Variants in CALCRL observed in about 807,000 individuals in gnomAD.
CALCRL encodes calcitonin gene-related peptide type 1 receptor.
In CALCRL, 27 loss-of-function variants were observed where a neutral mutation model predicts 60.4. That is an observed-to-expected ratio of 0.45 (90% CI 0.33 to 0.62). The LOEUF is 0.62. Ranked by LOEUF, CALCRL falls within the 20% of genes least tolerant of loss-of-function variation. CALCRL has a pLI of 0.03. For missense variants in CALCRL, 424 were observed against 540.7 expected (o/e 0.78, Z 2.14); for synonymous variants, 190 against 182.6 (o/e 1.04, Z -0.33).
chr2:187,406,316 C>A (rs1460367186), intron 1 of CALCRL, among the ~76,000 whole-genome samples: 4 of 151,776 alleles, frequency 2.6e-5, no homozygotes, highest in Non-Finnish European at 5.9e-5. Context: ...TTTGTTTTAA[C>A]TCTATTTTAT....
At chr2:187,372,013 T>C (rs894430408) in intron 8 of CALCRL, among the ~76,000 whole-genome samples, 20 of 152,162 alleles carry the variant, frequency 1.3e-4, no homozygotes, top group African/African-American at 4.8e-4. Flanking sequence ...TATTTTTTTC[T>C]GAATTTTATT....
chr2:187,400,818 A>C (rs1250197455), intron 1 of CALCRL, among the ~76,000 whole-genome samples: 2 of 151,642 alleles, frequency 1.3e-5, no homozygotes, highest in East Asian at 3.9e-4. Flanking sequence ...CATTTATACG[A>C]AATATCCAAA....
chr2:187,364,353 T>C (rs1300321972), intron 8 of CALCRL, among the ~76,000 whole-genome samples: 1 of 152,122 alleles, frequency 6.6e-6, no homozygotes, highest in Non-Finnish European at 1.5e-5. Context: ...AGTTTTAAAA[T>C]AGTAGTATGG....
intron 1 of CALCRL, among the ~76,000 whole-genome samples, chr2:187,397,077 T>C (rs1038148930): frequency 6.6e-6 from 1 of 151,712 alleles, no homozygotes; most frequent in African/African-American, 2.4e-5. Flanking sequence ...AGAAAGCTAT[T>C]GTAAAATAAA....
chr2:187,389,050 T>C (rs1031256129), intron 1 of CALCRL, among the ~76,000 whole-genome samples: 1 of 149,640 alleles, frequency 6.7e-6, no homozygotes, highest in Admixed American at 6.8e-5. Context: ...TATCATACTT[T>C]TCTCTATTAC....
intron 14 of CALCRL, among the ~76,000 whole-genome samples, chr2:187,348,649 A>T (rs752611707): frequency 6.6e-6 from 1 of 151,688 alleles, no homozygotes; most frequent in Non-Finnish European, 1.5e-5. Flanking sequence ...CATCAGAAAA[A>T]CCATAGAAAG....
In CALCRL at chr2:187,342,849, A is replaced by G. The variant is rs1410272393; in HGVS notation, c.*3335T>C. Among the ~76,000 whole-genome samples the G allele has an allele frequency of 6.6e-6, 1 of 151,546 alleles. No homozygotes were observed. The highest frequency in any genetic ancestry group is 2.4e-5 in the African/African-American group (1 of 41,392). Reference sequence around the variant, plus strand: ...TAACATCTTACTTGTTCCTTCATTAATTAATGAGTTAAACGAAATCTTTGA... The same window carrying G: ...TAACATCTTACTTGTTCCTTCATTAGTTAATGAGTTAAACGAAATCTTTGA... On this transcript the variant is annotated 3_prime_UTR_variant, in exon 15 of 15. Coordinates refer to ENST00000392370, the MANE Select transcript of CALCRL (RefSeq NM_005795.6).
Position 187,380,772 on chromosome 2 carries a change from C to G in CALCRL, c.200G>C (p.Arg67Thr), listed in dbSNP as rs1159828600. 2 of 1,613,848 alleles carry G rather than the reference C, an allele frequency of 1.2e-6. No homozygotes were observed. Among genetic ancestry groups the G allele is most frequent in the Middle Eastern group, 1.7e-4 (1 of 6,060 alleles). ...CCAGCAGAGCCATCCATCCCAGGTT[C>G]TGTTGCAGTAAACGCCTTAGTGGGG... ...IQQAEGVYCNRTWDGWLCWND... is the reference protein window; with the variant it reads ...IQQAEGVYCNTTWDGWLCWND... Residue 67 changes from arginine (R) to threonine (T), a missense_variant, in exon 6 of 15, where the codon AGA becomes ACA. By Grantham distance (71) the Arg-to-Thr change is moderately conservative. Around this residue, in one of 7 missense-constraint regions of CALCRL, gnomAD observed 108 missense variants for 132.9 expected, o/e 0.81. Coordinates refer to ENST00000392370, the MANE Select transcript of CALCRL (RefSeq NM_005795.6).
In CALCRL at chr2:187,359,106, T is replaced by C; in HGVS notation, c.866A>G (p.His289Arg). ...TGGGCCATGGATAATGTAGAGGAGATGGGTATCAGAACTGATCCAGCAACT... is the reference window on the plus strand; with the variant it reads ...TGGGCCATGGATAATGTAGAGGAGACGGGTATCAGAACTGATCCAGCAACT... ...NDNCWISSDTHLLYIIHGPIC... is the reference protein window; with the variant it reads ...NDNCWISSDTRLLYIIHGPIC... The change falls in exon 12 of 15, where the codon CAT becomes CGT. Residue 289 changes from histidine to arginine, a missense_variant. By Grantham distance (29) the His-to-Arg change is conservative. Around this residue, in one of 7 missense-constraint regions of CALCRL, gnomAD observed 222 missense variants for 265.6 expected, o/e 0.84. Coordinates refer to ENST00000392370, the MANE Select transcript of CALCRL (RefSeq NM_005795.6). 6.2e-7 allele frequency: 1 copy of C among 1,613,322 alleles called. No homozygotes were observed. Among genetic ancestry groups the C allele is most frequent in the Non-Finnish European group, 8.5e-7 (1 of 1,179,420 alleles).
At chr2:187,413,055 A>G (rs1433973800) in intron 1 of CALCRL, among the ~76,000 whole-genome samples, 1 of 152,168 alleles carries the variant, frequency 6.6e-6, no homozygotes, top group African/African-American at 2.4e-5. Flanking sequence ...ATTTATTGGT[A>G]TATAAGGATT....
intron 9 of CALCRL, among the ~76,000 whole-genome samples, chr2:187,363,127 T>G (rs373337176): frequency 6.6e-6 from 1 of 152,132 alleles, no homozygotes; most frequent in East Asian, 1.9e-4. Flanking sequence ...ATGTTCACTC[T>G]GTATCTTGGG....
intron 12 of CALCRL, among the ~76,000 whole-genome samples, chr2:187,354,187 A>T (rs1686665423): frequency 6.6e-6 from 1 of 152,022 alleles, no homozygotes; most frequent in African/African-American, 2.4e-5. Flanking sequence ...GAAACCTTTA[A>T]CTGACATACT....
chr2:187,438,544 T>C (rs1690750774), intron 1 of CALCRL, among the ~76,000 whole-genome samples: 1 of 151,536 alleles, frequency 6.6e-6, no homozygotes, highest in African/African-American at 2.4e-5. Flanking sequence ...GCTAAGTTGT[T>C]TTTTTTTTCC....
intron 1 of CALCRL, among the ~76,000 whole-genome samples, chr2:187,422,093 C>A (rs539680206): frequency 6.6e-6 from 1 of 152,096 alleles, no homozygotes; most frequent in African/African-American, 2.4e-5. Context: ...ACCAAGAGAT[C>A]AAAGGTAGCT....
At chr2:187,429,401 G>T (rs1360314872) in intron 1 of CALCRL, among the ~76,000 whole-genome samples, 1 of 152,126 alleles carries the variant, frequency 6.6e-6, no homozygotes, top group African/African-American at 2.4e-5. Flanking sequence ...GAGCTGGGAT[G>T]GACCTGAGAA....
At chr2:187,391,285 A>G (rs1398680139) in intron 1 of CALCRL, among the ~76,000 whole-genome samples, 1 of 152,224 alleles carries the variant, frequency 6.6e-6, no homozygotes, top group East Asian at 1.9e-4. Flanking sequence ...AATTGATGCT[A>G]GTTAACCAAA....
At chr2:187,408,204 T>C (rs1300524319) in intron 1 of CALCRL, among the ~76,000 whole-genome samples, 3 of 152,032 alleles carry the variant, frequency 2.0e-5, no homozygotes, top group Admixed American at 6.6e-5. Context: ...CCTTTTCTGG[T>C]TAATTTACTT....
intron 1 of CALCRL, among the ~76,000 whole-genome samples, chr2:187,414,900 A>T (rs1172939152): frequency 7.4e-6 from 1 of 135,138 alleles, no homozygotes; most frequent in East Asian, 2.2e-4. Flanking sequence ...AAAAAAAAAA[A>T]GGTAGTCTCT....
intron 1 of CALCRL, among the ~76,000 whole-genome samples, chr2:187,418,859 C>CTTTTTTTT (rs369436031): frequency 3.3e-4 from 40 of 119,914 alleles, no homozygotes; most frequent in Non-Finnish European, 4.5e-4. Context: ...TTCTTTTTTT[C>CTTTTTTTT]TTTTTTTTTT....
Sources: gnomAD v4.1 joint callset for allele counts (sites outside exome capture counted in the v4.1 genomes callset) on GRCh38, gnomAD v4.1.1 for gene constraint, gnomAD v4.1.1 regional missense constraint, MANE v1.5 for transcripts, NCBI Gene and HGNC (gene_info 2026-07-23, HGNC 2026-07-21) for gene names.